The following NEK11 variants were observed in gnomAD, a reference collection of about 807,000 sequenced individuals.
NEK11 encodes the protein NIMA related kinase 11.
Under a neutral mutation model 80.7 loss-of-function variants are expected in NEK11, and 72 were observed. That is an observed-to-expected ratio of 0.89 (90% CI 0.74 to 1.08). The LOEUF (loss-of-function observed/expected upper bound fraction) is 1.08, where lower values mean the gene tolerates loss of function less well. Ranked by LOEUF, NEK11 falls within the 50% of genes least tolerant of loss-of-function variation. The pLI is 0.00. For missense variants in NEK11, 764 were observed against 763.6 expected, an observed-to-expected ratio of 1.00 and a Z score of -0.01; for synonymous variants, 251 against 260.7, an observed-to-expected ratio of 0.96 and a Z score of 0.36.
chr3:131,317,516 G>A (rs1360631735), intron 17 of NEK11, among the ~76,000 whole-genome samples: 1 of 151,912 alleles, frequency 6.6e-6, no homozygotes. Flanking sequence ...GAACACTCCT[G>A]CCTATAATTT....
intron 17 of NEK11, among the ~76,000 whole-genome samples, chr3:131,274,875 G>A (rs577266740): frequency 2.0e-5 from 3 of 151,324 alleles, no homozygotes; most frequent in East Asian, 1.9e-4. Context: ...GGATGGTCTC[G>A]ATCTCCTGAC....
At chr3:131,121,398 C>T (rs1372601485) in intron 5 of NEK11, among the ~76,000 whole-genome samples, 2 of 152,230 alleles carry the variant, frequency 1.3e-5, no homozygotes, top group Non-Finnish European at 2.9e-5. Flanking sequence ...TTGGCCCCTA[C>T]TGGGATGTGC....
chr3:131,253,161 G>A (rs1024328925), intron 16 of NEK11, among the ~76,000 whole-genome samples: 3 of 152,082 alleles, frequency 2.0e-5, no homozygotes, highest in African/African-American at 7.2e-5. Context: ...TTTAGAATAT[G>A]GTCCTTGTCA....
At chr3:131,243,968 C>CAAT (rs2095557214) in intron 16 of NEK11, among the ~76,000 whole-genome samples, 1 of 151,832 alleles carries the variant, frequency 6.6e-6, no homozygotes, top group South Asian at 2.1e-4. Context: ...TGCTATGCTT[C>CAAT]AGGGATAAAG....
Position 131,349,639 on chromosome 3 carries a change from G to A in NEK11, c.1801G>A (p.Glu601Lys), listed in dbSNP as rs375166102. ...GAGAGCAAGGCATCAGAATGCTAGCGAAGCAGAGATCCGCGAGTGTTTGGA... is the reference window on the plus strand; with the variant it reads ...GAGAGCAAGGCATCAGAATGCTAGCAAAGCAGAGATCCGCGAGTGTTTGGA... ...LKRARHQNAS[E>K]AEIRECLEKV... Residue 601 changes from glutamate to lysine, a missense_variant, in exon 18 of 18, where the codon GAA becomes AAA. By Grantham distance (56) the Glu-to-Lys change is moderately conservative. Coordinates refer to ENST00000383366, the MANE Select transcript of NEK11 (RefSeq NM_024800.5). 30 of 1,614,196 alleles carry A rather than the reference G, an allele frequency of 1.9e-5. No individual in the cohort carries two copies. In the African/African-American group the frequency reaches 2.0e-4, roughly 11 times the overall value.
At chr3:131,069,951 C>T (rs1241859816) in intron 3 of NEK11, among the ~76,000 whole-genome samples, 1 of 151,028 alleles carries the variant, frequency 6.6e-6, no homozygotes, top group Non-Finnish European at 1.5e-5. Flanking sequence ...ACAATGTGCA[C>T]ATGTACCCTA....
At chr3:131,105,416 C>A (rs1050466550) in intron 4 of NEK11, among the ~76,000 whole-genome samples, 8 of 152,174 alleles carry the variant, frequency 5.3e-5, no homozygotes, top group Non-Finnish European at 1.0e-4. Flanking sequence ...TATAAAATTT[C>A]TTTCCCAAGG....
intron 3 of NEK11, among the ~76,000 whole-genome samples, chr3:131,035,072 T>C (rs1396497385): frequency 6.6e-6 from 1 of 152,172 alleles, no homozygotes; most frequent in African/African-American, 2.4e-5. Context: ...GAAGGCATTT[T>C]TTCCCCCTCT....
At chr3:131,166,630 C>T (rs2092263807) in intron 12 of NEK11, among the ~76,000 whole-genome samples, 1 of 152,148 alleles carries the variant, frequency 6.6e-6, no homozygotes, top group Non-Finnish European at 1.5e-5. Context: ...TCAATTCCAT[C>T]CCCCTTTTCC....
At chr3:131,249,173 G>A (rs1991443) in intron 16 of NEK11, among the ~76,000 whole-genome samples, 19,628 of 152,090 alleles carry the variant, frequency 0.13, 1,562 homozygotes, top group Admixed American at 0.21. Context: ...GAGAGCTTTA[G>A]TGAACTTGAG....
rs2094817594 is a variant in NEK11, at chr3:131,215,847, T to C, written c.1400-12681T>C. 1.3e-5 allele frequency among the ~76,000 whole-genome samples: 2 copies of C among 152,138 alleles called. 1 individual carries two copies. Among genetic ancestry groups the C allele is most frequent in the South Asian group, 4.1e-4 (2 of 4,830 alleles). ...GGTAAAGTGACTCACATCCCAGAGC[T>C]TCAAAGAAATCTGGCCAAACTGAAA... is the stretch of plus-strand genomic sequence containing the variant. On this transcript the variant is annotated intron_variant, in intron 14 of 17. Coordinates refer to ENST00000383366, the MANE Select transcript of NEK11 (RefSeq NM_024800.5).
At chr3:131,103,073 C>G (rs1033055172) in intron 4 of NEK11, among the ~76,000 whole-genome samples, 2 of 152,112 alleles carry the variant, frequency 1.3e-5, no homozygotes, top group Admixed American at 6.5e-5. Flanking sequence ...GATCATTTTA[C>G]TAATTCCTTG....
chr3:131,341,360 G>T (rs1475741030), intron 17 of NEK11, among the ~76,000 whole-genome samples: 1 of 152,002 alleles, frequency 6.6e-6, no homozygotes, highest in Admixed American at 6.6e-5. Flanking sequence ...TTTTATTACA[G>T]ATTTCTAACA....
chr3:131,213,148 G>A (rs9868843), intron 14 of NEK11, among the ~76,000 whole-genome samples: 66,111 of 151,768 alleles, frequency 0.44, 17,255 homozygotes, highest in Middle Eastern at 0.68. Context: ...CCATAATTGC[G>A]TGAATGTGAA....
At position 131,029,652 on chromosome 3, in the gene NEK11, A is replaced by G. The variant is rs2064485293; in HGVS notation, c.-57A>G. The G allele has an allele frequency of 6.6e-7, 1 of 1,525,516 alleles. No homozygotes were observed. Among genetic ancestry groups the G allele is most frequent in the Non-Finnish European group, 9.0e-7 (1 of 1,108,244 alleles). The allele number at this position is 1,525,516 out of a possible 1,614,324, so 94.5% of individuals were successfully genotyped here. On this transcript the variant is annotated 5_prime_UTR_variant, in exon 3 of 18. Transcript: ENST00000383366. ...TGGATGAATTTGACCATTTCTTAGG[A>G]GACTGGAATGTTAAGTTTCTATAAA...
chr3:131,143,761 TC>T (rs1320226745), intron 7 of NEK11, among the ~76,000 whole-genome samples: 1 of 149,930 alleles, frequency 6.7e-6, no homozygotes, highest in Non-Finnish European at 1.5e-5. Context: ...CCAATGTTTT[TC>T]ATTATATTTA....
At position 131,208,589 on chromosome 3, in the gene NEK11, T is replaced by C. The variant is rs561761791; in HGVS notation, c.1400-19939T>C. ...ATTTTCACGATATTGATTCTTCCTA[T>C]CCATGAGCATGGAATGTTCTTCCAT... On this transcript the variant is annotated intron_variant, in intron 14 of 17. Coordinates refer to ENST00000383366, the MANE Select transcript of NEK11 (RefSeq NM_024800.5). Among the ~76,000 whole-genome samples, 8 of 152,314 alleles carry C rather than the reference T, an allele frequency of 5.3e-5. No homozygotes were observed. In the South Asian group the frequency reaches 1.2e-3, roughly 24 times the overall value.
At chr3:131,148,867 A>G (rs2089012088) in intron 7 of NEK11, among the ~76,000 whole-genome samples, 2 of 151,898 alleles carry the variant, frequency 1.3e-5, no homozygotes, top group Non-Finnish European at 2.9e-5. Flanking sequence ...TTATGCATAC[A>G]TAATAGTCGT....
At chr3:131,325,291 A>C (rs574815590) in intron 17 of NEK11, 1 of 129,608 alleles carries the variant, frequency 7.7e-6, no homozygotes, top group Non-Finnish European at 1.6e-5. Context: ...AAAACAAGAA[A>C]TAACTTATAC....
Sources: allele counts gnomAD v4.1 joint callset (sites outside exome capture counted in the v4.1 genomes callset), GRCh38; gene constraint gnomAD v4.1.1; transcripts MANE v1.5; gene names NCBI Gene and HGNC (gene_info 2026-07-23, HGNC 2026-07-21).